TEC: variants seen among roughly 807,000 people sequenced by gnomAD.
TEC encodes tec protein tyrosine kinase.
In TEC, 72 loss-of-function variants were observed where a neutral mutation model predicts 93.0. The observed-to-expected ratio is 0.77, with a 90% confidence interval of 0.64 to 0.94. The LOEUF is 0.94. Among genes scored for constraint, TEC ranks in the 40% least tolerant of loss-of-function variants. The pLI is 0.00. For missense variants in TEC, 630 were observed against 757.9 expected (o/e 0.83, Z 1.98); for synonymous variants, 249 against 247.7 (o/e 1.01, Z -0.05).
At chr4:48,145,650 A>T in intron 12 of TEC, 71 bp from the exon 13 acceptor site, 1 of 1,525,656 alleles carries the variant, frequency 6.6e-7, no homozygotes, top group East Asian at 2.3e-5. Flanking sequence ...AGGGGGAAAA[A>T]GAACCTACAA....
At chr4:48,251,489 C>G (rs1329175369) in intron 1 of TEC, among the ~76,000 whole-genome samples, 1 of 152,208 alleles carries the variant, frequency 6.6e-6, no homozygotes, top group Non-Finnish European at 1.5e-5. Context: ...TGGTACTTAT[C>G]TCTGTGTGAC....
intron 1 of TEC, among the ~76,000 whole-genome samples, chr4:48,267,967 C>A (rs548219134): frequency 6.6e-6 from 1 of 152,172 alleles, no homozygotes; most frequent in African/African-American, 2.4e-5. Context: ...TCTGGATACC[C>A]GGAGAAAGGC....
chr4:48,199,451 CTTTCTTTTTTTTTTTTTTT>C (rs1722414791), intron 2 of TEC, among the ~76,000 whole-genome samples: 1 of 74,294 alleles, frequency 1.3e-5, no homozygotes, highest in Non-Finnish European at 2.8e-5. Context: ...AAAGGATTTT[CTTTCTTTTTTTTTTTTTTT>C]TTTTTTTTTT....
At chr4:48,267,569 G>A (rs1724672862) in intron 1 of TEC, among the ~76,000 whole-genome samples, 1 of 152,192 alleles carries the variant, frequency 6.6e-6, no homozygotes, top group South Asian at 2.1e-4. Context: ...AGACTTGAAT[G>A]CCCAATTTAT....
intron 1 of TEC, among the ~76,000 whole-genome samples, chr4:48,261,508 C>T (rs1724495913): frequency 6.6e-6 from 1 of 152,096 alleles, no homozygotes; most frequent in Non-Finnish European, 1.5e-5. Flanking sequence ...TCCCACAAGT[C>T]GTGGTTGAAA....
chr4:48,201,724 A>G (rs942391494), intron 2 of TEC, among the ~76,000 whole-genome samples: 19 of 152,188 alleles, frequency 1.2e-4, no homozygotes, highest in African/African-American at 4.6e-4. Context: ...GGGGACGGGA[A>G]GCAGAATGTT....
chr4:48,213,814 C>T (rs1722986930), intron 2 of TEC, among the ~76,000 whole-genome samples: 1 of 152,006 alleles, frequency 6.6e-6, no homozygotes, highest in Non-Finnish European at 1.5e-5. Flanking sequence ...AAGAGATAGT[C>T]TTGCTATGTT....
chr4:48,141,252 A>T, intron 15 of TEC, 103 bp downstream of exon 15: 1 of 990,372 alleles, frequency 1.0e-6, no homozygotes. Context: ...GAACCAGTTA[A>T]CAAGATTTCC....
Position 48,146,324 on chromosome 4 carries a change from C to A in TEC, c.1081+1G>T. On this transcript the variant is annotated splice_donor_variant, in intron 12 of 17. Coordinates refer to ENST00000381501, the MANE Select transcript of TEC (RefSeq NM_003215.3). LOFTEE classifies it high-confidence loss of function. ...TCATGCAACCACAAAATAAGAGTTA[C>A]CATAGCTGAATCCTGCAGTGGTGGG... The A allele has an allele frequency of 6.2e-7, 1 of 1,613,138 alleles. No individual in the cohort carries two copies. Among genetic ancestry groups the A allele is most frequent in the Non-Finnish European group, 8.5e-7 (1 of 1,179,502 alleles).
At chr4:48,264,950 T>C (rs1724594250) in intron 1 of TEC, among the ~76,000 whole-genome samples, 1 of 152,124 alleles carries the variant, frequency 6.6e-6, no homozygotes, top group Non-Finnish European at 1.5e-5. Flanking sequence ...CCAGACCTTC[T>C]GCTTTTTAAT....
intron 1 of TEC, among the ~76,000 whole-genome samples, chr4:48,267,761 T>C (rs1391453574): frequency 6.6e-6 from 1 of 152,132 alleles, no homozygotes; most frequent in Non-Finnish European, 1.5e-5. Context: ...TCAACACTCA[T>C]GCTGACTCTG....
At chr4:48,168,548 A>G in intron 6 of TEC, 38 bp downstream of exon 6, 1 of 1,604,036 alleles carries the variant, frequency 6.2e-7, no homozygotes, top group Middle Eastern at 1.7e-4. Context: ...AAGGCTTAAA[A>G]TGTAAAGATT....
chr4:48,212,578 A>G (rs1475065203), intron 2 of TEC, among the ~76,000 whole-genome samples: 3 of 152,346 alleles, frequency 2.0e-5, no homozygotes, highest in African/African-American at 4.8e-5. Context: ...CAACAGAACA[A>G]TGCAAGTATG....
At chr4:48,174,341 C>G (rs1302338644) in intron 3 of TEC, among the ~76,000 whole-genome samples, 3 of 152,108 alleles carry the variant, frequency 2.0e-5, no homozygotes, top group African/African-American at 4.8e-5. Flanking sequence ...CTGTCAATCC[C>G]TAGCATGTCT....
intron 2 of TEC, among the ~76,000 whole-genome samples, chr4:48,187,192 C>T (rs1002785258): frequency 2.0e-4 from 30 of 152,094 alleles, no homozygotes; most frequent in African/African-American, 6.8e-4. Context: ...GGATTAAGGG[C>T]GGTGCAAGAT....
At chr4:48,243,427 C>A (rs2704390) in intron 1 of TEC, among the ~76,000 whole-genome samples, 118,057 of 152,144 alleles carry the variant, frequency 0.78, 46,683 homozygotes, top group African/African-American at 0.93. Flanking sequence ...AAGGATTGTC[C>A]TGAGAAGTAA....
At position 48,157,061 on chromosome 4, in the gene TEC, T is replaced by C. The variant is rs186214927; in HGVS notation, c.738-327A>G. On this transcript the variant is annotated intron_variant, in intron 8 of 17. Coordinates refer to ENST00000381501, the MANE Select transcript of TEC (RefSeq NM_003215.3). ...TTGCAAATCAATATAGGTCTACATA[T>C]GATAGTATGCATGTGTCATAATTTA... 3.3e-5 allele frequency among the ~76,000 whole-genome samples: 5 copies of C among 152,350 alleles called. No individual in the cohort carries two copies. In the East Asian group the frequency reaches 5.8e-4, roughly 18 times the overall value.
intron 2 of TEC, among the ~76,000 whole-genome samples, chr4:48,192,709 AG>A (rs1560401450): frequency 6.6e-6 from 1 of 152,252 alleles, no homozygotes; most frequent in Non-Finnish European, 1.5e-5. Flanking sequence ...ATGGGCCAGA[AG>A]TAGGTAATTG....
At chr4:48,229,408 A>T (rs1723582266) in intron 1 of TEC, among the ~76,000 whole-genome samples, 1 of 152,244 alleles carries the variant, frequency 6.6e-6, no homozygotes, top group African/African-American at 2.4e-5. Context: ...AAACCCAAAG[A>T]CATTCAAAAA....
Sources: allele counts gnomAD v4.1 joint callset (sites outside exome capture counted in the v4.1 genomes callset), GRCh38; gene constraint gnomAD v4.1.1; transcripts MANE v1.5; gene names NCBI Gene and HGNC (gene_info 2026-07-23, HGNC 2026-07-21).